Variants in RS1 observed in about 807,000 individuals in gnomAD.
RS1 encodes the protein retinoschisin.
Under a neutral mutation model 20.8 loss-of-function variants are expected in RS1, and 2 were observed. That is an observed-to-expected ratio of 0.10 (90% confidence interval 0.04 to 0.30). The LOEUF is 0.30. Among genes scored for constraint, RS1 ranks in the 10% least tolerant of loss-of-function variants. RS1 has a pLI of 1.00. For synonymous variants in RS1, 70 were observed against 75.8 expected (o/e 0.92, Z 0.40); for missense variants, 151 against 189.8 (o/e 0.80, Z 1.20).
In RS1 at chrX:18,641,743, T is replaced by C; in HGVS notation, c.*261A>G. 1 of 386,733 alleles carries C rather than the reference T, an allele frequency of 2.6e-6. No homozygotes were observed. 31.9% of individuals were successfully genotyped at this position (386,733 alleles called of 1,213,427 possible). The stretch of plus-strand genomic sequence containing the variant: ...ATGAGCAGAAAATTACCCCTGCTAC[T>C]TAGGCTTTTGTAAGAAAATTCGTTT... On this transcript the variant is annotated 3_prime_UTR_variant, in exon 6 of 6. Coordinates refer to ENST00000379984, the MANE Select transcript of RS1 (RefSeq NM_000330.4).
intron 3 of RS1, among the ~76,000 whole-genome samples, chrX:18,655,846 C>A (rs1928202309): frequency 9.1e-6 from 1 of 110,320 alleles, no homozygotes; most frequent in Admixed American, 9.8e-5. Context: ...ATTGGACAGA[C>A]AAGGAAAAAA....
At chrX:18,665,854 A>G (rs939510831) in intron 1 of RS1, among the ~76,000 whole-genome samples, 74 of 97,379 alleles carry the variant, frequency 7.6e-4, no homozygotes, top group Non-Finnish European at 1.4e-3. Context: ...ACTGCACCTC[A>G]GTCTGGGTGA....
chrX:18,664,890 AT>A (rs1276472309), intron 1 of RS1, among the ~76,000 whole-genome samples: 2 of 110,149 alleles, frequency 1.8e-5, no homozygotes, highest in African/African-American at 3.3e-5. Context: ...AATTGTGTTA[AT>A]TTTTTTGTAG....
chrX:18,646,783 C>T lies in RS1; in HGVS notation c.326+408G>A, dbSNP rs974595628. On this transcript the variant is annotated intron_variant, in intron 4 of 5. Transcript: ENST00000379984. ...CGCCTCTTCCCCTCCCTCACCTGGCCAACTTCAAGCCACAGGTCAAATATG... is the reference window on the plus strand; with the variant it reads ...CGCCTCTTCCCCTCCCTCACCTGGCTAACTTCAAGCCACAGGTCAAATATG... 2.7e-5 allele frequency among the ~76,000 whole-genome samples: 3 copies of T among 111,895 alleles called. 1 individual carries two copies. Among genetic ancestry groups the T allele is most frequent in the African/African-American group, 3.3e-5 (1 of 30,718 alleles).
At chrX:18,644,365 C>T (rs1335413068) in intron 5 of RS1, 65 bp downstream of exon 5, 8 of 1,050,803 alleles carry the variant, frequency 7.6e-6, no homozygotes, top group Admixed American at 4.4e-5. Flanking sequence ...GACAGGAGCT[C>T]GGGGACAGGA....
At chrX:18,671,234 G>C (rs1928487513) in intron 1 of RS1, among the ~76,000 whole-genome samples, 1 of 111,943 alleles carries the variant, frequency 8.9e-6, no homozygotes, top group African/African-American at 3.3e-5. Flanking sequence ...ACAAATACAC[G>C]ATGTCCACAA....
Position 18,641,953 on chromosome X carries a change from G to A in RS1, c.*51C>T, listed in dbSNP as rs376894507. 1.9e-5 allele frequency: 23 copies of A among 1,198,261 alleles called. No homozygotes were observed. The highest frequency in any genetic ancestry group is 2.4e-5 in the Non-Finnish European group (21 of 887,887). ...GGTGGTGTGTGAGGGGGTCCCCTAC[G>A]GCCCGCTCTGTGCCAGTCACCCCCT... On this transcript the variant is annotated 3_prime_UTR_variant, in exon 6 of 6. Coordinates refer to ENST00000379984, the MANE Select transcript of RS1 (RefSeq NM_000330.4).
chrX:18,654,042 G>T (rs1246259384), intron 3 of RS1, among the ~76,000 whole-genome samples: 1 of 110,957 alleles, frequency 9.0e-6, no homozygotes, highest in African/African-American at 3.3e-5. Context: ...TAAGCTAAAA[G>T]AATTTCTAAT....
chrX:18,649,770 G>A (rs753484931), intron 3 of RS1, among the ~76,000 whole-genome samples: 22 of 112,315 alleles, frequency 2.0e-4, no homozygotes, highest in Non-Finnish European at 2.8e-4. Flanking sequence ...TGGGGATCCC[G>A]AGGACTGAGT....
In RS1 at chrX:18,646,031, A is replaced by G. The variant is rs773644857; in HGVS notation, c.326+1160T>C. On this transcript the variant is annotated intron_variant, in intron 4 of 5. Transcript: ENST00000379984. The stretch of plus-strand genomic sequence containing the variant: ...GACGGTGGATGTGATGGCAGAAGAC[A>G]GAGACACCATTCTGGACCCCAAGAT... The G allele has an allele frequency of 1.6e-6, 2 of 1,212,296 alleles. No homozygotes were observed. Among genetic ancestry groups the G allele is most frequent in the Non-Finnish European group, 2.2e-6 (2 of 895,623 alleles).
chrX:18,663,437 G>A (rs1928353434), intron 1 of RS1, among the ~76,000 whole-genome samples: 1 of 104,992 alleles, frequency 9.5e-6, no homozygotes, highest in Non-Finnish European at 1.9e-5. Context: ...TGAACTCCAG[G>A]GCTCAAGCCA....
intron 1 of RS1, among the ~76,000 whole-genome samples, chrX:18,659,478 A>T (rs901079134): frequency 1.8e-5 from 2 of 110,761 alleles, no homozygotes; most frequent in African/African-American, 6.6e-5. Context: ...AAAATAAAAT[A>T]AATTAATTAA....
At chrX:18,646,629 C>T (rs1602312121) in intron 4 of RS1, among the ~76,000 whole-genome samples, 2 of 111,802 alleles carry the variant, frequency 1.8e-5, no homozygotes, top group Admixed American at 9.5e-5. Flanking sequence ...AGGTCCTGCA[C>T]CATCTGACCT....
Position 18,641,769 on chromosome X carries a change from C to T in RS1, c.*235G>A, listed in dbSNP as rs952249507. 5 of 406,465 alleles carry T rather than the reference C, an allele frequency of 1.2e-5. No homozygotes were observed. Among genetic ancestry groups the T allele is most frequent in the East Asian group, 4.1e-5 (1 of 24,393 alleles). The allele number at this position is 406,465 out of a possible 1,213,427, so 33.5% of individuals were successfully genotyped here. A position where few individuals can be genotyped will look rare whatever the true frequency, so the allele number is the denominator to read the frequency against. ...TAGGCTTTTGTAAGAAAATTCGTTT[C>T]GGGGACATTTTCTTTGTTCTGACTT... On this transcript the variant is annotated 3_prime_UTR_variant, in exon 6 of 6. Coordinates refer to ENST00000379984, the MANE Select transcript of RS1 (RefSeq NM_000330.4).
At position 18,672,089 on chromosome X, in the gene RS1, A is replaced by AAGCT. The variant is rs1408943057; in HGVS notation, c.-25_-22dup. On this transcript the variant is annotated 5_prime_UTR_variant, in exon 1 of 6. Coordinates refer to ENST00000379984, the MANE Select transcript of RS1 (RefSeq NM_000330.4). ...GACATCTTCCCCTCGTCCTCGGCCAAAGCTCTACCTTACTGAACTGGAGAG... is the reference window on the plus strand; with the variant it reads ...GACATCTTCCCCTCGTCCTCGGCCAAAGCTAGCTCTACCTTACTGAACTGGAGAG... 8.3e-7 allele frequency: 1 copy of AAGCT among 1,202,525 alleles called. No individual in the cohort carries two copies. Among genetic ancestry groups the AAGCT allele is most frequent in the Non-Finnish European group, 1.1e-6 (1 of 887,645 alleles).
In RS1 at chrX:18,646,222, C is replaced by T. The variant is rs749288342; in HGVS notation, c.326+969G>A. 1,609 of 1,003,998 alleles carry T rather than the reference C, an allele frequency of 1.6e-3. 2 individuals carry two copies. Among genetic ancestry groups the T allele is most frequent in the Non-Finnish European group, 2.1e-3 (1,534 of 739,538 alleles). 82.7% of individuals were successfully genotyped at this position (1,003,998 alleles called of 1,213,427 possible). A position where few individuals can be genotyped will look rare whatever the true frequency, so the allele number is the denominator to read the frequency against. ...GCTGGTGTGCAGTGGCACACAATCT[C>T]GGCTCACTGCAACCTCCGCCTCCCA... On this transcript the variant is annotated intron_variant, in intron 4 of 5. Transcript: ENST00000379984.
At chrX:18,656,607 G>T (rs369646765) in intron 3 of RS1, 46 bp downstream of exon 3, 65 of 982,257 alleles carry the variant, frequency 6.6e-5, no homozygotes, top group Non-Finnish European at 1.9e-5. Flanking sequence ...AAGAGAAATG[G>T]GGTGTTCCCA....
intron 1 of RS1, among the ~76,000 whole-genome samples, chrX:18,658,968 A>ATAAG (rs1340068170): frequency 8.9e-6 from 1 of 111,843 alleles, no homozygotes; most frequent in East Asian, 2.8e-4. Context: ...CAATCAAAGT[A>ATAAG]TAAGTACCAT....
At chrX:18,671,893 GTTAA>G (rs1347649096) in intron 1 of RS1, 120 bp downstream of exon 1, 1 of 623,654 alleles carries the variant, frequency 1.6e-6, no homozygotes, top group African/African-American at 2.3e-5. Flanking sequence ...ACACATGTTA[GTTAA>G]TTAACGTGTT....
Sources: gnomAD v4.1 joint callset for allele counts (sites outside exome capture counted in the v4.1 genomes callset) on GRCh38, gnomAD v4.1.1 for gene constraint, MANE v1.5 for transcripts, NCBI Gene and HGNC (gene_info 2026-07-23, HGNC 2026-07-21) for gene names.